AIFM2: variants seen among roughly 807,000 people sequenced by gnomAD.
AIFM2 encodes AIF family member 2, ferroptosis suppressor.
A neutral mutation model predicts 35.7 loss-of-function variants in AIFM2; 38 were observed. That is an observed-to-expected ratio of 1.06 (90% CI 0.82 to 1.39). The LOEUF is 1.39. Ranked by LOEUF, AIFM2 falls within the 40% of genes most tolerant of loss-of-function variation. The probability of loss-of-function intolerance (pLI) is 0.00; values close to 1 mark genes in which losing one functional copy is unlikely to be tolerated. For missense variants in AIFM2, 476 were observed against 491.2 expected, an observed-to-expected ratio of 0.97 and a Z score of 0.29; for synonymous variants, 185 against 203.5, an observed-to-expected ratio of 0.91 and a Z score of 0.77.
At chr10:70,132,493 GT>G (rs2136672542) in intron 1 of AIFM2, among the ~76,000 whole-genome samples, 1 of 152,340 alleles carries the variant, frequency 6.6e-6, no homozygotes, top group Non-Finnish European at 1.5e-5. Context: ...AACCAGGAGG[GT>G]GGAGTTTTCT....
chr10:70,123,283 T>C, intron 3 of AIFM2, 122 bp downstream of exon 3: 2 of 789,732 alleles, frequency 2.5e-6, no homozygotes, highest in Non-Finnish European at 4.0e-6. Context: ...CCTCCCACAG[T>C]GCTGAGATTA....
intron 5 of AIFM2, 41 bp downstream of exon 5, chr10:70,120,466 G>T: frequency 6.2e-7 from 1 of 1,605,726 alleles, no homozygotes; most frequent in South Asian, 1.1e-5. Flanking sequence ...GCAGAAAAAA[G>T]CCAACCACTT....
chr10:70,119,557 A>G (rs1379816180), intron 5 of AIFM2, among the ~76,000 whole-genome samples: 1 of 152,250 alleles, frequency 6.6e-6, no homozygotes, highest in Admixed American at 6.5e-5. Flanking sequence ...GTGAGTAGGG[A>G]GAAAAACAGT....
chr10:70,115,272 T>TA, intron 7 of AIFM2, 152 bp from the exon 8 acceptor site: 1 of 731,384 alleles, frequency 1.4e-6, no homozygotes, highest in Admixed American at 2.2e-5. Context: ...GTGCCTGCTC[T>TA]AGAGGCCACC....
intron 1 of AIFM2, among the ~76,000 whole-genome samples, chr10:70,130,714 T>C (rs1035922975): frequency 1.3e-5 from 2 of 152,200 alleles, no homozygotes; most frequent in Admixed American, 6.5e-5. Flanking sequence ...ATATGGTAAC[T>C]TGAAGTTTAA....
chr10:70,127,397 A>G (rs1357576686), intron 1 of AIFM2, among the ~76,000 whole-genome samples: 1 of 152,216 alleles, frequency 6.6e-6, no homozygotes, highest in Non-Finnish European at 1.5e-5. Flanking sequence ...AAAAGAGCTG[A>G]GATCAGGGGG....
chr10:70,129,245 G>A (rs2072601823), intron 1 of AIFM2, among the ~76,000 whole-genome samples: 2 of 151,458 alleles, frequency 1.3e-5, no homozygotes, highest in Non-Finnish European at 2.9e-5. Flanking sequence ...GAATTACAGG[G>A]GTAAGCCACT....
rs2072402984 is a variant in AIFM2 at position 70,113,815 on chromosome 10, T to TA, written c.*362dup. 2 of 200,284 alleles carry TA rather than the reference T, an allele frequency of 1.0e-5. No homozygotes were observed. Among genetic ancestry groups the TA allele is most frequent in the South Asian group, 1.9e-4 (2 of 10,720 alleles). The allele number at this position is 200,284 out of a possible 1,614,324, so 12.4% of individuals were successfully genotyped here. ...GCAATCTGCCCTGCTCTGAGAGCTC[T>TA]AAATGGCACGCGTCATGACCACAAG... On this transcript the variant is annotated 3_prime_UTR_variant, in exon 9 of 9. Transcript: ENST00000307864.
Position 70,120,570 on chromosome 10 carries a change from C to T in AIFM2, c.444G>A (p.Val148=). ...QVQRSRFIVV[V]GGGSAGVEMA... ...TCTCCACTCCAGCCGAGCCTCCTCC[C>T]ACCACCACGATGAACCGTGAGCGCT... Residue 148 remains valine (V), a synonymous_variant, in exon 5 of 9, where the codon GTG becomes GTA. Coordinates refer to ENST00000307864, the MANE Select transcript of AIFM2 (RefSeq NM_032797.6). 1 of 1,614,158 alleles carries T rather than the reference C, an allele frequency of 6.2e-7. No homozygotes were observed. Among genetic ancestry groups the T allele is most frequent in the Non-Finnish European group, 8.5e-7 (1 of 1,180,034 alleles).
intron 5 of AIFM2, among the ~76,000 whole-genome samples, chr10:70,119,189 C>T (rs556227984): frequency 1.2e-4 from 19 of 152,372 alleles, no homozygotes; most frequent in African/African-American, 4.6e-4. Context: ...TGTGCCCCTT[C>T]ATCTGAATGT....
At chr10:70,118,506 T>C (rs2072463090) in intron 5 of AIFM2, among the ~76,000 whole-genome samples, 1 of 152,190 alleles carries the variant, frequency 6.6e-6, no homozygotes, top group African/African-American at 2.4e-5. Flanking sequence ...TTTGTAATGA[T>C]GAGCAAAAAA....
intron 1 of AIFM2, among the ~76,000 whole-genome samples, chr10:70,130,412 C>T (rs1208833744): frequency 6.6e-6 from 1 of 152,152 alleles, no homozygotes; most frequent in Non-Finnish European, 1.5e-5. Flanking sequence ...GAATTATACA[C>T]TATGTGGCTT....
chr10:70,115,266 C>T (rs543236232), intron 7 of AIFM2, 146 bp from the exon 8 acceptor site: 20 of 794,828 alleles, frequency 2.5e-5, no homozygotes, highest in Non-Finnish European at 3.5e-5. Context: ...CTGGAGGTGC[C>T]TGCTCTAGAG....
In AIFM2 at chr10:70,116,749, C is replaced by G. The variant is rs954166409; in HGVS notation, c.642G>C (p.Glu214Asp). 1.4e-5 allele frequency: 22 copies of G among 1,614,158 alleles called. No homozygotes were observed. Among genetic ancestry groups the G allele is most frequent in the Non-Finnish European group, 1.9e-5 (22 of 1,180,002 alleles). ...LLSERVSNLE[E>D]LPLNEYREYI... ...ACTCTCGATACTCATTGAGAGGCAG[C>G]TCCTCCAGATTGCTCACCCGCTCAC... The change falls in exon 7 of 9, where the codon GAG becomes GAC. Residue 214 changes from glutamate (E) to aspartate (D), a missense_variant. Transcript: ENST00000307864.
intron 6 of AIFM2, 105 bp from the exon 7 acceptor site, chr10:70,116,879 C>A: frequency 7.1e-7 from 1 of 1,416,742 alleles, no homozygotes; most frequent in Admixed American, 1.8e-5. Flanking sequence ...CTCTGGGGCC[C>A]AACTGGGCAA....
Position 70,123,390 on chromosome 10 carries a change from C to T in AIFM2, c.294+15G>A, listed in dbSNP as rs2072531070. The T allele has an allele frequency of 1.9e-6, 3 of 1,610,574 alleles. No homozygotes were observed. The highest frequency in any genetic ancestry group is 1.7e-4 in the Middle Eastern group (1 of 6,034). On this transcript the variant is annotated intron_variant, in intron 3 of 8. Coordinates refer to ENST00000307864, the MANE Select transcript of AIFM2 (RefSeq NM_032797.6). ...GCCCTTGAGCCAGCTGGCAGCCGGGCTGGCCCTCACTCACCTCGCCACCCT... is the reference window on the plus strand; with the variant it reads ...GCCCTTGAGCCAGCTGGCAGCCGGGTTGGCCCTCACTCACCTCGCCACCCT...
rs2072497306 is a variant in AIFM2 at position 70,121,036 on chromosome 10, C to T, written c.414+56G>A. 1.5e-5 allele frequency: 23 copies of T among 1,584,562 alleles called. No individual in the cohort carries two copies. The South Asian group carries it at 2.4e-4, about 17-fold the overall frequency. On this transcript the variant is annotated intron_variant, in intron 4 of 8. Transcript: ENST00000307864. ...CTCCCAGCTGCAGGCCTAGGCATCC[C>T]CAAGGCTGTCCTTCCATCTGCCCAC...
rs2310990 is a variant in AIFM2, at chr10:70,116,603, C to T, written c.769+19G>A. ...AGAGCAAGGAGGCACAGGGGAAGCC[C>T]GGCTGGGCACCTGCTCACCAAACGC... On this transcript the variant is annotated intron_variant, in intron 7 of 8. Transcript: ENST00000307864. The T allele has an allele frequency of 6.3e-4, 1,021 of 1,612,452 alleles. 1 individual carries two copies. The African/African-American group carries it at 0.012, about 19-fold the overall frequency.
At position 70,120,134 on chromosome 10, in the gene AIFM2, T is replaced by C. The variant is rs1589848225; in HGVS notation, c.507+373A>G. 3.9e-5 allele frequency among the ~76,000 whole-genome samples: 6 copies of C among 152,360 alleles called. 1 individual carries two copies. Among genetic ancestry groups the C allele is most frequent in the Admixed American group, 3.9e-4 (6 of 15,308 alleles). On this transcript the variant is annotated intron_variant, in intron 5 of 8. Transcript: ENST00000307864. Reference sequence around the variant, plus strand: ...TTGCCAGCAAGAGGTAATCAAATACTGGTTGCCAGCAAGAGGTAATCAAAT... The same window carrying C: ...TTGCCAGCAAGAGGTAATCAAATACCGGTTGCCAGCAAGAGGTAATCAAAT...
Sources: allele counts gnomAD v4.1 joint callset (sites outside exome capture counted in the v4.1 genomes callset), GRCh38; gene constraint gnomAD v4.1.1; transcripts MANE v1.5; gene names NCBI Gene and HGNC (gene_info 2026-07-23, HGNC 2026-07-21).